Variants in LRBA observed in about 807,000 individuals in gnomAD.
The protein encoded by LRBA is lipopolysaccharide-responsive and beige-like anchor protein.
A neutral mutation model predicts 330.0 loss-of-function variants in LRBA; 176 were observed. That is an observed-to-expected ratio of 0.53 (90% CI 0.47 to 0.60). The LOEUF is 0.60. Among genes scored for constraint, LRBA ranks in the 20% least tolerant of loss-of-function variants. The pLI, the probability that LRBA is intolerant of heterozygous loss-of-function variation, is 0.00. For synonymous variants in LRBA, 1,230 were observed against 1,193.0 expected (o/e 1.03, Z -0.64); for missense variants, 3,259 against 3,444.8 (o/e 0.95, Z 1.35).
chr4:150,598,611 C>T (rs999284577), intron 38 of LRBA, among the ~76,000 whole-genome samples: 5 of 151,990 alleles, frequency 3.3e-5, no homozygotes, highest in Non-Finnish European at 5.9e-5. Flanking sequence ...CAGGATTGGG[C>T]GAAAACCATG....
chr4:150,861,259 T>A (rs1751887861), intron 22 of LRBA, among the ~76,000 whole-genome samples: 1 of 142,268 alleles, frequency 7.0e-6, no homozygotes, highest in South Asian at 2.2e-4. Flanking sequence ...CATGCCACCA[T>A]CCCAGCTAAT....
chr4:150,934,150 TACTC>T (rs1734812427), intron 2 of LRBA, among the ~76,000 whole-genome samples: 1 of 152,196 alleles, frequency 6.6e-6, no homozygotes, highest in Non-Finnish European at 1.5e-5. Flanking sequence ...TCTAACAAAT[TACTC>T]ACTGAGTCAA....
chr4:150,742,210 A>G (rs1393423398), intron 35 of LRBA, among the ~76,000 whole-genome samples: 3 of 150,094 alleles, frequency 2.0e-5, no homozygotes, highest in Non-Finnish European at 4.4e-5. Context: ...CAGTGGTGCA[A>G]TTATGGCTCA....
intron 36 of LRBA, among the ~76,000 whole-genome samples, chr4:150,727,064 G>A (rs904799436): frequency 1.9e-4 from 16 of 83,150 alleles, no homozygotes; most frequent in South Asian, 4.0e-4. Flanking sequence ...AGAACATTTC[G>A]TTGTTTTTTT....
chr4:150,642,541 T>G (rs1778780929), intron 37 of LRBA, among the ~76,000 whole-genome samples: 1 of 151,924 alleles, frequency 6.6e-6, no homozygotes, highest in Admixed American at 6.6e-5. Flanking sequence ...AATGTTACTT[T>G]TCCAGAACAA....
In LRBA at chr4:150,841,008, CA is replaced by C. The variant is rs1194995011; in HGVS notation, c.4569+3091del. On this transcript the variant is annotated intron_variant, in intron 28 of 56. Coordinates refer to ENST00000651943, the MANE Select transcript of LRBA (RefSeq NM_001364905.1). ...GACATATTTGTGATCCGTGATCTGA[CA>C]AAATCTATGATATTTTGCAGGTTCA... The C allele has an allele frequency of 3.2e-6, 4 of 1,258,084 alleles. No individual in the cohort carries two copies. In the African/African-American group the frequency reaches 6.1e-5, roughly 19 times the overall value. 77.9% of individuals were successfully genotyped at this position (1,258,084 alleles called of 1,614,324 possible).
chr4:150,670,060 G>A (rs1370460162), intron 37 of LRBA, among the ~76,000 whole-genome samples: 1 of 152,060 alleles, frequency 6.6e-6, no homozygotes, highest in Non-Finnish European at 1.5e-5. Context: ...AAGTTAATAT[G>A]TTTCCTGCTT....
intron 37 of LRBA, among the ~76,000 whole-genome samples, chr4:150,669,691 G>C (rs1295243720): frequency 1.3e-5 from 2 of 151,698 alleles, no homozygotes. Flanking sequence ...TCAGCCTCCC[G>C]AGTAGCTGAG....
intron 48 of LRBA, among the ~76,000 whole-genome samples, chr4:150,327,319 C>T (rs755299122): frequency 3.4e-4 from 51 of 152,098 alleles, no homozygotes; most frequent in Non-Finnish European, 6.6e-4. Flanking sequence ...ACTTAGGAGG[C>T]TGAAGTAGGA....
At chr4:150,915,158 T>C (rs921258804) in intron 8 of LRBA, among the ~76,000 whole-genome samples, 1 of 152,144 alleles carries the variant, frequency 6.6e-6, no homozygotes, top group African/African-American at 2.4e-5. Context: ...AAAAAGAACA[T>C]AATTACAGGA....
chr4:150,687,088 A>C (rs1783691763), intron 36 of LRBA, among the ~76,000 whole-genome samples: 5 of 152,126 alleles, frequency 3.3e-5, no homozygotes, highest in Admixed American at 3.3e-4. Flanking sequence ...TTAGGGTCAC[A>C]TCTGACCTAA....
intron 38 of LRBA, among the ~76,000 whole-genome samples, chr4:150,592,914 G>A (rs771274208): frequency 1.3e-5 from 2 of 151,960 alleles, no homozygotes; most frequent in South Asian, 2.1e-4. Flanking sequence ...GATTACAGGC[G>A]TAAGTCATCT....
chr4:150,776,729 G>C (rs919454325), intron 34 of LRBA, among the ~76,000 whole-genome samples: 2 of 151,892 alleles, frequency 1.3e-5, no homozygotes, highest in African/African-American at 4.8e-5. Flanking sequence ...AGTATTGTTT[G>C]AACCCAGGAG....
At chr4:150,757,115 T>C (rs754426672) in intron 35 of LRBA, among the ~76,000 whole-genome samples, 15 of 152,190 alleles carry the variant, frequency 9.9e-5, no homozygotes, top group Non-Finnish European at 1.6e-4. Context: ...CGTCAGTGAT[T>C]ATCAATTATT....
In LRBA at chr4:150,893,167, A is replaced by G. The variant is rs186238293; in HGVS notation, c.2068-18T>C. ...TTGTCATCCTATAATCATTTTAGAA[A>G]TTTTTTTTAAAAAATGAGGAAAAAA... On this transcript the variant is annotated intron_variant, in intron 16 of 56. Transcript: ENST00000651943. The G allele has an allele frequency of 4.7e-6, 7 of 1,501,436 alleles. No homozygotes were observed. Among genetic ancestry groups the G allele is most frequent in the Non-Finnish European group, 6.4e-6 (7 of 1,098,568 alleles). The allele number at this position is 1,501,436 out of a possible 1,614,324, so 93.0% of individuals were successfully genotyped here. A position where few individuals can be genotyped will look rare whatever the true frequency, so the allele number is the denominator to read the frequency against.
intron 44 of LRBA, among the ~76,000 whole-genome samples, chr4:150,455,059 T>C (rs1440276419): frequency 6.6e-6 from 1 of 151,786 alleles, no homozygotes; most frequent in Non-Finnish European, 1.5e-5. Context: ...TGTGCCATGC[T>C]GGTGCGCTGC....
At chr4:150,319,698 ATCGTT>A (rs1732225768) in intron 50 of LRBA, among the ~76,000 whole-genome samples, 1 of 152,084 alleles carries the variant, frequency 6.6e-6, no homozygotes, top group African/African-American at 2.4e-5. Context: ...ATTTATTTGC[ATCGTT>A]TCATTTCCAA....
chr4:150,722,216 T>G (rs536393587), intron 36 of LRBA, among the ~76,000 whole-genome samples: 1 of 151,862 alleles, frequency 6.6e-6, no homozygotes, highest in Non-Finnish European at 1.5e-5. Context: ...AAAAAATATA[T>G]AAAGTTAAGC....
chr4:150,350,066 G>C lies in LRBA; in HGVS notation c.7288C>G (p.Leu2430Val). The change falls in exon 48 of 57, where the codon CTC becomes GTC. Residue 2430 changes from leucine to valine, a missense_variant. Leu to Val is a conservative substitution (Grantham distance 32). Coordinates refer to ENST00000651943, the MANE Select transcript of LRBA (RefSeq NM_001364905.1). ...KQQGPEAVRA[L>V]NVFYYLTYEG... ...TAGGTCAAGTAATAGAACACATTGA[G>C]GGCTCGGACAGCTTCTGGTCCTTGC... 1 of 1,613,414 alleles carries C rather than the reference G, an allele frequency of 6.2e-7. No individual in the cohort carries two copies. Among genetic ancestry groups the C allele is most frequent in the Non-Finnish European group, 8.5e-7 (1 of 1,179,684 alleles).
Sources: gnomAD v4.1 joint callset for allele counts (sites outside exome capture counted in the v4.1 genomes callset) on GRCh38, gnomAD v4.1.1 for gene constraint, MANE v1.5 for transcripts, NCBI Gene and HGNC (gene_info 2026-07-23, HGNC 2026-07-21) for gene names.